ERBB4: variants seen among roughly 807,000 people sequenced by gnomAD.
ERBB4 encodes the protein erb-b2 receptor tyrosine kinase 4, also known as receptor tyrosine-protein kinase erbB-4.
Under a neutral mutation model 158.0 loss-of-function variants are expected in ERBB4, and 42 were observed. The ratio of observed to expected loss-of-function variants is 0.27; its 90% CI spans 0.21 to 0.34. The LOEUF (loss-of-function observed/expected upper bound fraction) is 0.34. Among genes scored for constraint, ERBB4 ranks in the 10% least tolerant of loss-of-function variants. The pLI is 1.00. For synonymous variants in ERBB4, 583 were observed against 558.7 expected (o/e 1.04, Z -0.61); for missense variants, 1,333 against 1,624.1 (o/e 0.82, Z 3.08).
chr2:212,528,668 G>C (rs1692580684), intron 1 of ERBB4, among the ~76,000 whole-genome samples: 1 of 152,164 alleles, frequency 6.6e-6, no homozygotes, highest in African/African-American at 2.4e-5. Flanking sequence ...TAGTGGCCTA[G>C]AAATGTTGAC....
intron 1 of ERBB4, among the ~76,000 whole-genome samples, chr2:212,476,061 C>T (rs532608511): frequency 6.6e-6 from 1 of 152,002 alleles, no homozygotes; most frequent in South Asian, 2.1e-4. Flanking sequence ...ATTACTTCCT[C>T]AGTGATGCCT....
chr2:212,212,971 A>G (rs13395131), intron 1 of ERBB4, among the ~76,000 whole-genome samples: 84,464 of 151,922 alleles, frequency 0.56, 23,704 homozygotes, highest in East Asian at 0.77. Flanking sequence ...AAATCCTAGA[A>G]AAAACCTAGG....
At chr2:212,373,843 G>GTATATATCCATATATA (rs1560145868) in intron 1 of ERBB4, among the ~76,000 whole-genome samples, 1 of 63,234 alleles carries the variant, frequency 1.6e-5, no homozygotes, top group Non-Finnish European at 3.3e-5. Context: ...ATATATCCAT[G>GTATATATCCATATATA]TATATATCCA....
chr2:211,561,947 T>C lies in ERBB4; in HGVS notation c.2443A>G (p.Ile815Val), dbSNP rs778047462. Residue 815 changes from isoleucine (I) to valine (V), a missense_variant, in exon 20 of 28, where the codon ATT (isoleucine) becomes GTT (valine). Transcript: ENST00000342788. ...CAGTTAAGCAGCAGTTGTGATCCAA[T>C]GTTATCCTTGTGCTCGTGGACATAC... ...LEYVHEHKDN[I>V]GSQLLLNWCV... 2.5e-6 allele frequency: 4 copies of C among 1,614,056 alleles called. No individual in the cohort carries two copies. Among genetic ancestry groups the C allele is most frequent in the African/African-American group, 2.7e-5 (2 of 74,930 alleles).
At chr2:211,755,838 G>A (rs2075276562) in intron 4 of ERBB4, among the ~76,000 whole-genome samples, 1 of 152,166 alleles carries the variant, frequency 6.6e-6, no homozygotes, top group African/African-American at 2.4e-5. Flanking sequence ...AATATGCCAG[G>A]ACAGTTGAAG....
chr2:211,983,736 G>A (rs890246671), intron 2 of ERBB4, among the ~76,000 whole-genome samples: 1 of 152,080 alleles, frequency 6.6e-6, no homozygotes, highest in East Asian at 1.9e-4. Context: ...TTTAGAGATG[G>A]TAGTCATTTC....
intron 1 of ERBB4, among the ~76,000 whole-genome samples, chr2:212,149,777 C>T (rs2080810967): frequency 6.6e-6 from 1 of 152,092 alleles, no homozygotes; most frequent in Admixed American, 6.6e-5. Context: ...TGATTATGCA[C>T]CTGCCCTTAA....
intron 2 of ERBB4, among the ~76,000 whole-genome samples, chr2:212,081,450 T>C (rs752527119): frequency 6.6e-6 from 1 of 152,138 alleles, no homozygotes; most frequent in Non-Finnish European, 1.5e-5. Context: ...GCGGTACTAA[T>C]CATGTAATGC....
chr2:211,412,903 G>A (rs1238784760), intron 25 of ERBB4, among the ~76,000 whole-genome samples: 1 of 147,080 alleles, frequency 6.8e-6, no homozygotes, highest in Non-Finnish European at 1.5e-5. Flanking sequence ...GCAATGAGCC[G>A]AGATCGCTCC....
At chr2:211,968,224 A>G (rs1463656234) in intron 2 of ERBB4, among the ~76,000 whole-genome samples, 1 of 152,022 alleles carries the variant, frequency 6.6e-6, no homozygotes, top group African/African-American at 2.4e-5. Context: ...TTGGTTTTTC[A>G]GATGTACAGC....
At chr2:211,617,890 G>C (rs1312322146) in intron 19 of ERBB4, among the ~76,000 whole-genome samples, 1 of 151,964 alleles carries the variant, frequency 6.6e-6, no homozygotes, top group Non-Finnish European at 1.5e-5. Flanking sequence ...AAAAGATAGA[G>C]AAAGAACATA....
At chr2:211,761,646 G>T (rs2075416835) in intron 4 of ERBB4, among the ~76,000 whole-genome samples, 1 of 152,030 alleles carries the variant, frequency 6.6e-6, no homozygotes, top group African/African-American at 2.4e-5. Flanking sequence ...CAGTAAATGG[G>T]TCTAAAATAA....
At chr2:212,013,183 A>G (rs1171951306) in intron 2 of ERBB4, among the ~76,000 whole-genome samples, 1 of 152,004 alleles carries the variant, frequency 6.6e-6, no homozygotes, top group Non-Finnish European at 1.5e-5. Flanking sequence ...CAGCCTCTCA[A>G]GTAGCTAGGG....
chr2:211,875,136 G>A (rs13390226), intron 3 of ERBB4, among the ~76,000 whole-genome samples: 16,638 of 148,370 alleles, frequency 0.11, 1,455 homozygotes, highest in African/African-American at 0.24. Context: ...CATTTCTTTG[G>A]TTGTTGGTTA....
chr2:212,516,089 C>T (rs1417271267), intron 1 of ERBB4, among the ~76,000 whole-genome samples: 1 of 151,748 alleles, frequency 6.6e-6, no homozygotes, highest in Non-Finnish European at 1.5e-5. Context: ...GGTTATTAAA[C>T]ATAATAGAAA....
At chr2:211,571,035 C>CTCTTTTTTTTT (rs1553571913) in intron 19 of ERBB4, among the ~76,000 whole-genome samples, 2 of 81,218 alleles carry the variant, frequency 2.5e-5, no homozygotes, top group African/African-American at 1.0e-4. Flanking sequence ...TCTGAGTACT[C>CTCTTTTTTTTT]TTCTTCTTTT....
At chr2:211,950,912 C>A (rs149029229) in intron 2 of ERBB4, among the ~76,000 whole-genome samples, 2 of 152,136 alleles carry the variant, frequency 1.3e-5, no homozygotes, top group African/African-American at 2.4e-5. Flanking sequence ...TGAGCTGTTA[C>A]CTCTTTGAAT....
chr2:212,358,759 GAA>G (rs2089565476), intron 1 of ERBB4, among the ~76,000 whole-genome samples: 1 of 151,632 alleles, frequency 6.6e-6, no homozygotes, highest in Non-Finnish European at 1.5e-5. Flanking sequence ...GTGAATTAAA[GAA>G]AAGAGGTATA....
chr2:212,010,775 C>G (rs546368122), intron 2 of ERBB4, among the ~76,000 whole-genome samples: 2 of 152,250 alleles, frequency 1.3e-5, no homozygotes, highest in East Asian at 1.9e-4. Context: ...GGACATATCT[C>G]AGTCCTTATC....
Sources: gnomAD v4.1 joint callset for allele counts (sites outside exome capture counted in the v4.1 genomes callset) on GRCh38, gnomAD v4.1.1 for gene constraint, MANE v1.5 for transcripts, NCBI Gene and HGNC (gene_info 2026-07-23, HGNC 2026-07-21) for gene names.